The following AGPS variants were observed in gnomAD, a reference collection of about 807,000 sequenced individuals.
AGPS encodes alkyldihydroxyacetonephosphate synthase, peroxisomal.
In AGPS, 26 loss-of-function variants were observed where a neutral mutation model predicts 90.7. The observed-to-expected ratio is 0.29, with a 90% CI of 0.21 to 0.40. The LOEUF (loss-of-function observed/expected upper bound fraction) is 0.40. Ranked by LOEUF, AGPS falls within the 10% of genes least tolerant of loss-of-function variation. The pLI is 1.00. For synonymous variants in AGPS, 294 were observed against 285.3 expected, an observed-to-expected ratio of 1.03 and a Z score of -0.31; for missense variants, 540 against 816.1, an observed-to-expected ratio of 0.66 and a Z score of 4.12.
At chr2:177,511,101 T>C in intron 16 of AGPS, among the ~76,000 whole-genome samples, 1 of 152,074 alleles carries the variant, frequency 6.6e-6, no homozygotes, top group South Asian at 2.1e-4. Flanking sequence ...CATTTTTTGT[T>C]GTTGTTGTTG....
intron 2 of AGPS, among the ~76,000 whole-genome samples, chr2:177,427,145 A>G (rs10930790): frequency 0.86 from 131,354 of 152,206 alleles, 56,886 homozygotes; most frequent in East Asian, 0.95. Context: ...GTTCATGTGC[A>G]TAGAGATGTT....
intron 14 of AGPS, among the ~76,000 whole-genome samples, chr2:177,502,334 T>C (rs1398528489): frequency 6.6e-6 from 1 of 152,062 alleles, no homozygotes; most frequent in African/African-American, 2.4e-5. Context: ...TTTTATTAGA[T>C]GTGGACATCT....
At chr2:177,438,651 C>T (rs1319531335) in intron 5 of AGPS, among the ~76,000 whole-genome samples, 2 of 152,040 alleles carry the variant, frequency 1.3e-5, no homozygotes, top group African/African-American at 4.8e-5. Context: ...TGTTTCTTGC[C>T]CCTTAAGCCT....
intron 2 of AGPS, among the ~76,000 whole-genome samples, chr2:177,431,248 AG>A (rs1183994657): frequency 2.0e-5 from 3 of 152,086 alleles, no homozygotes; most frequent in Non-Finnish European, 2.9e-5. Context: ...TCAAAAGGGG[AG>A]GGGGTGTACA....
chr2:177,442,394 C>A lies in AGPS; in HGVS notation c.710-13C>A. ...TATTTAAACATAAAAGTTGTTGTTT[C>A]CTATTTTGGCAGGAGGAACAAGTGT... On this transcript the variant is annotated splice_polypyrimidine_tract_variant and intron_variant, in intron 6 of 19. Transcript: ENST00000264167. The A allele has an allele frequency of 6.2e-7, 1 of 1,602,988 alleles. No homozygotes were observed. Among genetic ancestry groups the A allele is most frequent in the Non-Finnish European group, 8.5e-7 (1 of 1,169,920 alleles).
At chr2:177,485,456 C>A (rs193197096) in intron 11 of AGPS, among the ~76,000 whole-genome samples, 1 of 152,008 alleles carries the variant, frequency 6.6e-6, no homozygotes, top group Non-Finnish European at 1.5e-5. Flanking sequence ...TATTACAATT[C>A]GATATGCCCC....
At chr2:177,507,476 A>T (rs1332195322) in intron 15 of AGPS, among the ~76,000 whole-genome samples, 1 of 152,198 alleles carries the variant, frequency 6.6e-6, no homozygotes, top group Non-Finnish European at 1.5e-5. Flanking sequence ...GCACTATATT[A>T]CTATGTTTTC....
At chr2:177,459,670 A>G (rs974492872) in intron 8 of AGPS, among the ~76,000 whole-genome samples, 2 of 152,184 alleles carry the variant, frequency 1.3e-5, no homozygotes, top group African/African-American at 4.8e-5. Context: ...AAGAAACAAC[A>G]TATGCTGGAG....
At chr2:177,422,485 A>G (rs1685968517) in intron 2 of AGPS, among the ~76,000 whole-genome samples, 2 of 152,186 alleles carry the variant, frequency 1.3e-5, no homozygotes, top group Non-Finnish European at 2.9e-5. Flanking sequence ...CTCCTAAGTC[A>G]GAGTCCAGTG....
At chr2:177,449,577 C>A (rs1362215175) in intron 8 of AGPS, among the ~76,000 whole-genome samples, 2 of 152,116 alleles carry the variant, frequency 1.3e-5, no homozygotes, top group Non-Finnish European at 2.9e-5. Flanking sequence ...GCAAGTGCCA[C>A]CATGCCTGGA....
intron 2 of AGPS, among the ~76,000 whole-genome samples, chr2:177,431,434 C>G (rs541443162): frequency 1.3e-5 from 2 of 152,082 alleles, no homozygotes; most frequent in Non-Finnish European, 2.9e-5. Context: ...AAACAGGGTT[C>G]GAGAGCAGAG....
chr2:177,433,664 C>T (rs569083767), intron 2 of AGPS, among the ~76,000 whole-genome samples: 2 of 152,166 alleles, frequency 1.3e-5, no homozygotes, highest in Non-Finnish European at 2.9e-5. Flanking sequence ...TTATATTCCT[C>T]TGAAGAGACC....
intron 2 of AGPS, among the ~76,000 whole-genome samples, chr2:177,429,316 C>T (rs1686170624): frequency 6.6e-6 from 1 of 152,162 alleles, no homozygotes; most frequent in African/African-American, 2.4e-5. Flanking sequence ...TCTGTGATTT[C>T]AACCATCTCA....
chr2:177,413,736 G>A (rs1038226717), intron 1 of AGPS, among the ~76,000 whole-genome samples: 9 of 152,218 alleles, frequency 5.9e-5, no homozygotes, highest in African/African-American at 2.2e-4. Context: ...GTAAAGGGTA[G>A]GATGGTTGTT....
At chr2:177,436,395 C>G (rs1165127388) in intron 3 of AGPS, among the ~76,000 whole-genome samples, 2 of 152,016 alleles carry the variant, frequency 1.3e-5, no homozygotes, top group Admixed American at 1.3e-4. Flanking sequence ...CGTGATCTGC[C>G]CTTCTTGGCC....
intron 10 of AGPS, among the ~76,000 whole-genome samples, chr2:177,472,267 T>G (rs980458912): frequency 1.3e-5 from 2 of 148,394 alleles, no homozygotes; most frequent in African/African-American, 2.5e-5. Context: ...ATTTTTCTGG[T>G]TTTTTTTTTC....
At chr2:177,406,065 A>G (rs1685458862) in intron 1 of AGPS, among the ~76,000 whole-genome samples, 1 of 152,144 alleles carries the variant, frequency 6.6e-6, no homozygotes. Flanking sequence ...GCTGAGCTCC[A>G]TCCCCCATCC....
chr2:177,489,305 C>T (rs1274911304), intron 11 of AGPS, among the ~76,000 whole-genome samples: 4 of 152,084 alleles, frequency 2.6e-5, no homozygotes, highest in South Asian at 4.2e-4. Flanking sequence ...AGGATGGTCT[C>T]GATCTCCTGA....
rs571221661 is a variant in AGPS at position 177,543,287 on chromosome 2, T to C, written c.*5092T>C. The stretch of plus-strand genomic sequence containing the variant: ...TTCTATTCCTAATATTGTGTGTCAG[T>C]CCTTTTTCGTGTGATGGTGCCTTCA... On this transcript the variant is annotated 3_prime_UTR_variant, in exon 20 of 20. Transcript: ENST00000264167. The C allele has an allele frequency of 3.8e-4, 58 of 152,310 alleles. No homozygotes were observed. The Middle Eastern group carries it at 0.01, about 27-fold the overall frequency. The allele number at this position is 152,310 out of a possible 1,614,324, so 9.4% of individuals were successfully genotyped here. A position where few individuals can be genotyped will look rare whatever the true frequency, so the allele number is the denominator to read the frequency against.
Sources: gnomAD v4.1 joint callset for allele counts (sites outside exome capture counted in the v4.1 genomes callset) on GRCh38, gnomAD v4.1.1 for gene constraint, MANE v1.5 for transcripts, NCBI Gene and HGNC (gene_info 2026-07-23, HGNC 2026-07-21) for gene names.